The following FBXL17 variants were observed in gnomAD, a reference collection of about 807,000 sequenced individuals.
FBXL17 encodes the protein F-box/LRR-repeat protein 17.
Under a neutral mutation model 66.2 loss-of-function variants are expected in FBXL17, and 22 were observed. The observed-to-expected ratio is 0.33, with a 90% CI of 0.24 to 0.47. The LOEUF is 0.47. Ranked by LOEUF, FBXL17 falls within the 20% of genes least tolerant of loss-of-function variation. FBXL17 has a pLI of 1.00. For synonymous variants in FBXL17, 474 were observed against 400.5 expected (o/e 1.18, Z -2.19); for missense variants, 878 against 948.2 (o/e 0.93, Z 0.97).
At chr5:108,338,966 G>A (rs982326137) in intron 4 of FBXL17, among the ~76,000 whole-genome samples, 1 of 152,138 alleles carries the variant, frequency 6.6e-6, no homozygotes, top group Non-Finnish European at 1.5e-5. Flanking sequence ...TTTGCCTGAA[G>A]ACAGGGTTAC....
chr5:108,006,587 T>G (rs1251170509), intron 7 of FBXL17, among the ~76,000 whole-genome samples: 3 of 152,222 alleles, frequency 2.0e-5, no homozygotes, highest in East Asian at 3.8e-4. Context: ...AAGGAAGTAC[T>G]TACATTAGCC....
At chr5:108,157,356 C>T (rs1280236899) in intron 6 of FBXL17, among the ~76,000 whole-genome samples, 1 of 151,794 alleles carries the variant, frequency 6.6e-6, no homozygotes, top group Non-Finnish European at 1.5e-5. Context: ...AACAAATGTC[C>T]TAAAATTCTA....
At position 108,030,267 on chromosome 5, in the gene FBXL17, T is replaced by A. The variant is rs187986369; in HGVS notation, c.1746-9266A>T. Among the ~76,000 whole-genome samples the A allele has an allele frequency of 3.0e-3, 455 of 152,192 alleles. 2 individuals are homozygous for A. Among genetic ancestry groups the A allele is most frequent in the African/African-American group, 0.01 (425 of 41,544 alleles). Reference sequence around the variant, plus strand: ...CCCTCTGAAGAGAAACACATCTCTGTTCATAGGGAGAGTGGTGGAAAGCTA... The same window carrying A: ...CCCTCTGAAGAGAAACACATCTCTGATCATAGGGAGAGTGGTGGAAAGCTA... On this transcript the variant is annotated intron_variant, in intron 6 of 8. Coordinates refer to ENST00000542267, the MANE Select transcript of FBXL17 (RefSeq NM_001163315.3).
rs572862106 is a variant in FBXL17 at position 108,088,018 on chromosome 5, C to T, written c.1746-67017G>A. ...TGCCCGTTTTTATTAAAGGGGATTT[C>T]ATGTATAATCTGGGTAAGATTTAAA... On this transcript the variant is annotated intron_variant, in intron 6 of 8. Coordinates refer to ENST00000542267, the MANE Select transcript of FBXL17 (RefSeq NM_001163315.3). 7.9e-5 allele frequency among the ~76,000 whole-genome samples: 12 copies of T among 152,130 alleles called. No individual in the cohort carries two copies. In the South Asian group the frequency reaches 1.9e-3, roughly 24 times the overall value.
At chr5:108,017,317 T>C (rs369382315) in intron 7 of FBXL17, among the ~76,000 whole-genome samples, 2 of 152,328 alleles carry the variant, frequency 1.3e-5, no homozygotes, top group South Asian at 2.1e-4. Context: ...CTTGTTTAGC[T>C]AGCTTAGCTC....
Position 108,380,897 on chromosome 5 carries a change from G to A in FBXL17, c.795C>T (p.Pro265=). Residue 265 remains proline, a synonymous_variant, in exon 1 of 9, where the codon CCC becomes CCT. Transcript: ENST00000542267. ...CTTCGGTGGGGGCACCTTCGGAGGT[G>A]GGAGAAGAGGGCGGAGGGCAGAGCG... ...PQPLCPPPSS[P]TSEGAPTEAG... The A allele has an allele frequency of 4.0e-6, 5 of 1,234,666 alleles. No individual in the cohort carries two copies. The highest frequency in any genetic ancestry group is 3.0e-6 in the Non-Finnish European group (3 of 984,398). The allele number at this position is 1,234,666 out of a possible 1,614,324, so 76.5% of individuals were successfully genotyped here.
At chr5:108,159,026 T>C (rs1194065886) in intron 6 of FBXL17, among the ~76,000 whole-genome samples, 2 of 152,146 alleles carry the variant, frequency 1.3e-5, no homozygotes, top group Non-Finnish European at 2.9e-5. Context: ...CAGCATAATA[T>C]AAATGTTTCT....
intron 8 of FBXL17, among the ~76,000 whole-genome samples, chr5:107,877,014 A>T (rs1748634143): frequency 6.6e-6 from 1 of 152,220 alleles, no homozygotes; most frequent in Non-Finnish European, 1.5e-5. Context: ...GCCTTTGAAC[A>T]GTCTTTAAGA....
intron 5 of FBXL17, among the ~76,000 whole-genome samples, chr5:108,186,705 G>A (rs1011602788): frequency 6.6e-6 from 1 of 151,472 alleles, no homozygotes; most frequent in African/African-American, 2.4e-5. Context: ...GGAGGCAGAG[G>A]TTGCAGTGAG....
intron 7 of FBXL17, among the ~76,000 whole-genome samples, chr5:107,960,423 C>T (rs1751854442): frequency 1.3e-5 from 2 of 152,142 alleles, no homozygotes; most frequent in Non-Finnish European, 2.9e-5. Context: ...TTCTCTCTAA[C>T]TGGAACTTGT....
intron 4 of FBXL17, among the ~76,000 whole-genome samples, chr5:108,258,929 T>C (rs1756694387): frequency 6.6e-6 from 1 of 152,040 alleles, no homozygotes; most frequent in Non-Finnish European, 1.5e-5. Context: ...TAGATAAAGC[T>C]AGACATAATA....
Position 108,261,080 on chromosome 5 carries a change from T to C in FBXL17, c.1507-36852A>G, listed in dbSNP as rs373532351. On this transcript the variant is annotated intron_variant, in intron 4 of 8. Transcript: ENST00000542267. ...AGTAAAAAAAAATATTAAAATACAA[T>C]AGAGATAAACAGTAGGATAAATACA... Among the ~76,000 whole-genome samples the C allele has an allele frequency of 2.4e-4, 37 of 151,906 alleles. No individual in the cohort carries two copies. The South Asian group carries it at 7.1e-3, about 29-fold the overall frequency.
intron 6 of FBXL17, among the ~76,000 whole-genome samples, chr5:108,054,577 C>T (rs1238360395): frequency 6.6e-6 from 1 of 152,210 alleles, no homozygotes; most frequent in East Asian, 1.9e-4. Context: ...TTTCCCTTTG[C>T]AGCTGTGCTC....
intron 5 of FBXL17, among the ~76,000 whole-genome samples, chr5:108,221,553 T>C (rs1754864854): frequency 6.6e-6 from 1 of 152,188 alleles, no homozygotes; most frequent in South Asian, 2.1e-4. Context: ...GCCAGGGATT[T>C]AGTGACATCA....
At chr5:108,031,063 A>G (rs1404891124) in intron 6 of FBXL17, among the ~76,000 whole-genome samples, 4 of 152,136 alleles carry the variant, frequency 2.6e-5, no homozygotes, top group Non-Finnish European at 5.9e-5. Flanking sequence ...TCAATGACAT[A>G]TCGCACTCTG....
chr5:108,252,053 G>C (rs1243426514), intron 4 of FBXL17, among the ~76,000 whole-genome samples: 1 of 152,052 alleles, frequency 6.6e-6, no homozygotes, highest in Non-Finnish European at 1.5e-5. Flanking sequence ...TGTATATGCA[G>C]ATATGTGTGT....
intron 4 of FBXL17, among the ~76,000 whole-genome samples, chr5:108,304,219 G>C (rs563025071): frequency 3.3e-5 from 5 of 151,810 alleles, no homozygotes; most frequent in African/African-American, 1.2e-4. Context: ...ATCTACTACC[G>C]TATAATTCTT....
chr5:108,291,245 A>G (rs1758101357), intron 4 of FBXL17, among the ~76,000 whole-genome samples: 1 of 152,222 alleles, frequency 6.6e-6, no homozygotes, highest in African/African-American at 2.4e-5. Context: ...TCACACCAAC[A>G]GAGAGAAACA....
chr5:107,902,856 G>A (rs962182788), intron 7 of FBXL17, among the ~76,000 whole-genome samples: 2 of 151,518 alleles, frequency 1.3e-5, no homozygotes, highest in African/African-American at 4.9e-5. Context: ...TTTGGTTCAT[G>A]TTCTAGTTGA....
Sources: gnomAD v4.1 joint callset for allele counts (sites outside exome capture counted in the v4.1 genomes callset) on GRCh38, gnomAD v4.1.1 for gene constraint, MANE v1.5 for transcripts, NCBI Gene and HGNC (gene_info 2026-07-23, HGNC 2026-07-21) for gene names.